The following FSIP2 variants were observed in gnomAD, a reference collection of about 807,000 sequenced individuals.
FSIP2 encodes fibrous sheath-interacting protein 2.
FSIP2 carries 367 observed loss-of-function variants against 510.5 expected under a neutral mutation model. The observed-to-expected ratio is 0.72, with a 90% CI of 0.66 to 0.78. The LOEUF (loss-of-function observed/expected upper bound fraction) is 0.78. FSIP2 is among the 30% of genes least tolerant of loss of function. The pLI is 0.00. For synonymous variants in FSIP2, 2,601 were observed against 2,732.2 expected, an observed-to-expected ratio of 0.95 and a Z score of 1.50; for missense variants, 7,594 against 7,901.7, an observed-to-expected ratio of 0.96 and a Z score of 1.48.
At chr2:185,822,989 T>C (rs1037434274) in intron 19 of FSIP2, among the ~76,000 whole-genome samples, 2 of 151,786 alleles carry the variant, frequency 1.3e-5, no homozygotes, top group Non-Finnish European at 2.9e-5. Flanking sequence ...GTGATGGGAA[T>C]AGATACTCAC....
rs1056295651 is a variant in FSIP2 at position 185,747,349 on chromosome 2, A to G, written c.796A>G (p.Met266Val). ...AAAAGAGATGTTACTTCTGACAAGGATGGCAGAAGATGTTAAAAGAGAAGA... is the reference window on the plus strand; with the variant it reads ...AAAAGAGATGTTACTTCTGACAAGGGTGGCAGAAGATGTTAAAAGAGAAGA... ...KTKEMLLLTR[M>V]AEDVKREERI... The change falls in exon 7 of 23, where the codon ATG becomes GTG. Residue 266 changes from methionine to valine, a missense_variant. Physicochemically the swap from Met to Val is conservative, Grantham distance 21 (BLOSUM62 1). Transcript: ENST00000424728. 1.3e-6 allele frequency: 2 copies of G among 1,531,834 alleles called. No homozygotes were observed. Among genetic ancestry groups the G allele is most frequent in the Non-Finnish European group, 1.7e-6 (2 of 1,143,032 alleles). The allele number at this position is 1,531,834 out of a possible 1,614,324, so 94.9% of individuals were successfully genotyped here. A position where few individuals can be genotyped will look rare whatever the true frequency, so the allele number is the denominator to read the frequency against.
At position 185,807,325 on chromosome 2, in the gene FSIP2, A is replaced by G. The variant is rs1456815439; in HGVS notation, c.18019A>G (p.Ile6007Val). The G allele has an allele frequency of 1.9e-6, 3 of 1,612,032 alleles. No homozygotes were observed. In the African/African-American group the frequency reaches 4.0e-5, roughly 22 times the overall value. Residue 6007 changes from isoleucine (I) to valine (V), a missense_variant, in exon 17 of 23, where the codon ATA becomes GTA. Transcript: ENST00000424728. ...TCAAACTTCATCACCATATACAATA[A>G]TATTACCTCATAAATTTTTGGAGAA... ...ECQTSSPYTI[I>V]LPHKFLENVI...
intron 4 of FSIP2, chr2:185,745,109 C>A: frequency 1.2e-5 from 2 of 167,096 alleles, no homozygotes; most frequent in Admixed American, 1.3e-4. Flanking sequence ...TAAATACAAA[C>A]AAGAAAGACT....
intron 13 of FSIP2, among the ~76,000 whole-genome samples, chr2:185,770,613 C>T (rs985582784): frequency 6.6e-6 from 1 of 152,102 alleles, no homozygotes; most frequent in African/African-American, 2.4e-5. Context: ...CAGGCCCCAC[C>T]CCCAACATTG....
chr2:185,743,564 AT>A (rs1691967445), intron 3 of FSIP2, among the ~76,000 whole-genome samples: 1 of 152,062 alleles, frequency 6.6e-6, no homozygotes, highest in African/African-American at 2.4e-5. Context: ...AAGATATATT[AT>A]TTTCCCACGT....
chr2:185,783,431 C>G (rs185810431), intron 14 of FSIP2, among the ~76,000 whole-genome samples: 2 of 152,194 alleles, frequency 1.3e-5, no homozygotes, highest in South Asian at 4.1e-4. Flanking sequence ...TAAAAATGAA[C>G]AAGCCAAATG....
In FSIP2 at chr2:185,790,049, G is replaced by C. The variant is rs1035840493; in HGVS notation, c.2913G>C (p.Lys971Asn). 6.5e-7 allele frequency: 1 copy of C among 1,533,418 alleles called. No individual in the cohort carries two copies. Among genetic ancestry groups the C allele is most frequent in the African/African-American group, 1.4e-5 (1 of 72,822 alleles). 95.0% of individuals were successfully genotyped at this position (1,533,418 alleles called of 1,614,324 possible). A position where few individuals can be genotyped will look rare whatever the true frequency, so the allele number is the denominator to read the frequency against. ...GTAGTCCTTCTGACACCAAAGAAAA[G>C]TACAGACTCACTGGCACTAGATTAT... ...RISSPSDTKE[K>N]YRLTGTRLSN... The change falls in exon 16 of 23, where the codon AAG (lysine) becomes AAC (asparagine). Residue 971 changes from lysine (K) to asparagine (N), a missense_variant. Transcript: ENST00000424728.
At chr2:185,743,987 T>A (rs12053506) in intron 3 of FSIP2, among the ~76,000 whole-genome samples, 2 of 151,400 alleles carry the variant, frequency 1.3e-5, no homozygotes, top group African/African-American at 4.9e-5. Context: ...GGCACATGCC[T>A]CCCAGCTGGT....
chr2:185,792,630 C>G lies in FSIP2; in HGVS notation c.5494C>G (p.Pro1832Ala). The G allele has an allele frequency of 1.3e-6, 2 of 1,534,088 alleles. No homozygotes were observed. Among genetic ancestry groups the G allele is most frequent in the Non-Finnish European group, 1.7e-6 (2 of 1,145,514 alleles). The change falls in exon 16 of 23, where the codon CCT (proline) becomes GCT (alanine). Residue 1832 changes from proline to alanine, a missense_variant. Pro to Ala is a conservative substitution (Grantham distance 27, BLOSUM62 -1). Transcript: ENST00000424728. ...TCAATTTATGGATAAAATGATGGATCCTTTACTTTCGGAAGCAGATATAAC... is the reference window on the plus strand; with the variant it reads ...TCAATTTATGGATAAAATGATGGATGCTTTACTTTCGGAAGCAGATATAAC... ...SVQFMDKMMD[P>A]LLSEADITIV...
At chr2:185,797,846 G>A (rs1693328398) in intron 16 of FSIP2, among the ~76,000 whole-genome samples, 1 of 151,670 alleles carries the variant, frequency 6.6e-6, no homozygotes. Context: ...GCATGCCACT[G>A]CACTCTAATT....
intron 6 of FSIP2, 132 bp downstream of exon 6, chr2:185,746,942 C>A (rs1473807492): frequency 1.3e-5 from 9 of 673,364 alleles, no homozygotes; most frequent in East Asian, 5.5e-5. Flanking sequence ...ATTAAATTTT[C>A]TTCATAGCTA....
intron 10 of FSIP2, 42 bp from the exon 11 acceptor site, chr2:185,761,930 G>C: frequency 9.3e-7 from 1 of 1,071,906 alleles, no homozygotes; most frequent in Non-Finnish European, 1.3e-6. Flanking sequence ...TGGAAGTACA[G>C]TTACTAATGT....
intron 13 of FSIP2, among the ~76,000 whole-genome samples, chr2:185,772,254 C>G (rs952485542): frequency 2.0e-5 from 3 of 152,164 alleles, no homozygotes; most frequent in Non-Finnish European, 4.4e-5. Context: ...TTTCTTATCT[C>G]TCTCCATTAC....
chr2:185,752,217 CT>C lies in FSIP2; in HGVS notation c.871-1495del, dbSNP rs201481188. On this transcript the variant is annotated intron_variant, in intron 7 of 22. Coordinates refer to ENST00000424728, the MANE Select transcript of FSIP2 (RefSeq NM_173651.4). ...AACTGGGTGTAGAATTCACCATTGACTTTTTTTTTTCTTTATTTTAGTACTT... is the reference window on the plus strand; with the variant it reads ...AACTGGGTGTAGAATTCACCATTGACTTTTTTTTTCTTTATTTTAGTACTT... Among the ~76,000 whole-genome samples, 1,325 of 148,342 alleles carry C rather than the reference CT, an allele frequency of 8.9e-3. 17 individuals carry two copies. Among genetic ancestry groups the C allele is most frequent in the African/African-American group, 0.029 (1,183 of 40,700 alleles).
rs1447773837 is a variant in FSIP2 at position 185,763,227 on chromosome 2, G to A, written c.1285G>A (p.Val429Ile). The change falls in exon 12 of 23, where the codon GTA (valine) becomes ATA (isoleucine). Residue 429 changes from valine (V) to isoleucine (I), a missense_variant. By Grantham distance (29) the Val-to-Ile change is conservative. Transcript: ENST00000424728. ...CCAAGGTTCAATTATTTCAGCGCAG[G>A]TATCACCCACGAGAAATTTTTCCAG... ...SGQGSIISAQ[V>I]SPTRNFSRVS... 1.3e-6 allele frequency: 2 copies of A among 1,519,924 alleles called. No individual in the cohort carries two copies. Among genetic ancestry groups the A allele is most frequent in the Non-Finnish European group, 1.8e-6 (2 of 1,133,088 alleles). 94.2% of individuals were successfully genotyped at this position (1,519,924 alleles called of 1,614,324 possible).
At position 185,789,938 on chromosome 2, in the gene FSIP2, C is replaced by T; in HGVS notation, c.2802C>T (p.Leu934=). The change falls in exon 16 of 23, where the codon CTC becomes CTT. Residue 934 remains leucine, a synonymous_variant. Coordinates refer to ENST00000424728, the MANE Select transcript of FSIP2 (RefSeq NM_173651.4). ...RIIASEETVV[L]LQLLEDILFQ... ...TTGCATCTGAAGAAACCGTAGTACTCCTTCAGCTACTTGAGGACATCCTTT... is the reference window on the plus strand; with the variant it reads ...TTGCATCTGAAGAAACCGTAGTACTTCTTCAGCTACTTGAGGACATCCTTT... The T allele has an allele frequency of 6.5e-7, 1 of 1,534,094 alleles. No individual in the cohort carries two copies. Among genetic ancestry groups the T allele is most frequent in the Non-Finnish European group, 8.7e-7 (1 of 1,145,514 alleles).
In FSIP2 at chr2:185,792,867, G is replaced by C; in HGVS notation, c.5731G>C (p.Glu1911Gln). ...GTCTAGATTCAGCGTTGCTGACAAG[G>C]AGACAAAGGTAAATCTAGCTGAAGA... ...FQSRFSVADKETKVNLAEDIV... is the reference protein window; with the variant it reads ...FQSRFSVADKQTKVNLAEDIV... Residue 1911 changes from glutamate (E) to glutamine (Q), a missense_variant, in exon 16 of 23, where the codon GAG becomes CAG. Coordinates refer to ENST00000424728, the MANE Select transcript of FSIP2 (RefSeq NM_173651.4). 1.3e-6 allele frequency: 2 copies of C among 1,534,266 alleles called. No individual in the cohort carries two copies. Among genetic ancestry groups the C allele is most frequent in the Non-Finnish European group, 1.7e-6 (2 of 1,145,718 alleles).
chr2:185,751,248 G>A (rs1692140373), intron 7 of FSIP2, among the ~76,000 whole-genome samples: 1 of 151,342 alleles, frequency 6.6e-6, no homozygotes, highest in African/African-American at 2.4e-5. Context: ...TTGAAGCTCA[G>A]TATTAGGTAA....
chr2:185,792,131 GAAGAC>G lies in FSIP2; in HGVS notation c.4999_5003del (p.Thr1667CysfsTer7). 6.5e-7 allele frequency: 1 copy of G among 1,533,708 alleles called. No individual in the cohort carries two copies. The highest frequency in any genetic ancestry group is 8.7e-7 in the Non-Finnish European group (1 of 1,145,360). ...AATTAAATGTGACCTCATCAGATTT[GAAGAC>G]AAGTGTAGAAAACCCACCACCTGAG... is the stretch of plus-strand genomic sequence containing the variant. On this transcript the variant is annotated frameshift_variant, in exon 16 of 23. Transcript: ENST00000424728. LOFTEE classifies it high-confidence loss of function.
Sources: allele counts gnomAD v4.1 joint callset (sites outside exome capture counted in the v4.1 genomes callset), GRCh38; gene constraint gnomAD v4.1.1; transcripts MANE v1.5; gene names NCBI Gene and HGNC (gene_info 2026-07-23, HGNC 2026-07-21).